Variants in HCN4 observed in about 807,000 individuals in gnomAD.
The protein encoded by HCN4 is potassium/sodium hyperpolarization-activated cyclic nucleotide-gated channel 4.
In HCN4, 29 loss-of-function variants were observed where a neutral mutation model predicts 76.9. The ratio of observed to expected loss-of-function variants is 0.38; its 90% CI spans 0.28 to 0.51. The LOEUF (loss-of-function observed/expected upper bound fraction) is 0.51. HCN4 is among the 20% of genes least tolerant of loss of function. The pLI is 0.90. For synonymous variants in HCN4, 772 were observed against 762.5 expected, an observed-to-expected ratio of 1.01 and a Z score of -0.21; for missense variants, 1,416 against 1,715.2, an observed-to-expected ratio of 0.83 and a Z score of 3.08.
In HCN4 at chr15:73,323,337, G is replaced by C. The variant is rs752426600; in HGVS notation, c.2756C>G (p.Ser919Cys). The part of the protein sequence containing the change: ...HFHKALGGSL[S>C]SSDSPLLTPL... ...GGTGAGCAGGGGAGAGTCGGAGGAG[G>C]ACAGGGAGCCACCCAGCGCCTTGTG... The change falls in exon 8 of 8, where the codon TCC becomes TGC. Residue 919 changes from serine to cysteine, a missense_variant. Physicochemically the swap from Ser to Cys is moderately radical, Grantham distance 112. Coordinates refer to ENST00000261917, the MANE Select transcript of HCN4 (RefSeq NM_005477.3). The C allele has an allele frequency of 5.1e-6, 8 of 1,566,036 alleles. No homozygotes were observed. The highest frequency in any genetic ancestry group is 6.9e-6 in the Non-Finnish European group (8 of 1,155,266).
Position 73,367,826 on chromosome 15 carries a change from C to T in HCN4, c.445G>A (p.Ala149Thr), listed in dbSNP as rs531489450. 1 of 1,233,852 alleles carries T rather than the reference C, an allele frequency of 8.1e-7. No individual in the cohort carries two copies. The highest frequency in any genetic ancestry group is 1.6e-5 in the African/African-American group (1 of 63,362). The allele number at this position is 1,233,852 out of a possible 1,614,324, so 76.4% of individuals were successfully genotyped here. Residue 149 changes from alanine (A) to threonine (T), a missense_variant, in exon 1 of 8, where the codon GCG becomes ACG. Physicochemically the swap from Ala to Thr is moderately conservative, Grantham distance 58. Transcript: ENST00000261917. This position sits in a 1 kb window ranked among gnomAD's most constrained non-coding sequence, Gnocchi z 7.5. Reference sequence around the variant, plus strand: ...GCGCCGGGGCGCTCGGGCTCGGCCGCCAGGCCTGGGGGCGTCCTGTCCTCG... The same window carrying T: ...GCGCCGGGGCGCTCGGGCTCGGCCGTCAGGCCTGGGGGCGTCCTGTCCTCG... ...PGEDRTPPGL[A>T]AEPERPGASA...
Position 73,332,395 on chromosome 15 carries a change from G to C in HCN4, c.1210-103C>G, listed in dbSNP as rs73442004. The C allele has an allele frequency of 2.1e-3, 2,421 of 1,165,836 alleles. 25 individuals carry two copies. In the African/African-American group the frequency reaches 0.029, roughly 14 times the overall value. The allele number at this position is 1,165,836 out of a possible 1,614,324, so 72.2% of individuals were successfully genotyped here. Reference sequence around the variant, plus strand: ...GCTGCTGGTGGGCACTGCTCTGCCTGGACTCTGCAGGGCGCCCACTCAGTG... The same window carrying C: ...GCTGCTGGTGGGCACTGCTCTGCCTCGACTCTGCAGGGCGCCCACTCAGTG... On this transcript the variant is annotated intron_variant, in intron 2 of 7. Coordinates refer to ENST00000261917, the MANE Select transcript of HCN4 (RefSeq NM_005477.3).
intron 1 of HCN4, among the ~76,000 whole-genome samples, chr15:73,363,761 T>C (rs1386070853): frequency 6.6e-6 from 1 of 152,178 alleles, no homozygotes; most frequent in Non-Finnish European, 1.5e-5. Context: ...CACAACAGCA[T>C]CACGGCTCCT....
At chr15:73,353,760 G>A (rs1261768519) in intron 1 of HCN4, among the ~76,000 whole-genome samples, 2 of 152,036 alleles carry the variant, frequency 1.3e-5, no homozygotes, top group African/African-American at 4.8e-5. Context: ...TCCTGGGGCT[G>A]GCATCTTAGC....
In HCN4 at chr15:73,343,550, G is replaced by C. The variant is rs2151221193; in HGVS notation, c.1044C>G (p.Ser348=). 1 of 1,614,202 alleles carries C rather than the reference G, an allele frequency of 6.2e-7. No individual in the cohort carries two copies. ...GGAAGATGTAGTCCACGGGGATGGAGGAAATGAAATCTACCATGAACCAGC... is the reference window on the plus strand; with the variant it reads ...GGAAGATGTAGTCCACGGGGATGGACGAAATGAAATCTACCATGAACCAGC... ...LKSWFMVDFI[S]SIPVDYIFLI... is the part of the protein sequence containing the mutation. The change falls in exon 2 of 8, where the codon TCC becomes TCG. Residue 348 remains serine (S), a synonymous_variant. Coordinates refer to ENST00000261917, the MANE Select transcript of HCN4 (RefSeq NM_005477.3). This position sits in a 1 kb window ranked among gnomAD's most constrained non-coding sequence, Gnocchi z 5.7.
intron 1 of HCN4, among the ~76,000 whole-genome samples, chr15:73,353,496 A>T (rs1472592527): frequency 6.6e-6 from 1 of 152,160 alleles, no homozygotes; most frequent in Non-Finnish European, 1.5e-5. Context: ...CATCACACGC[A>T]TGTCAGTCCA....
chr15:73,357,807 C>T (rs1475999078), intron 1 of HCN4, among the ~76,000 whole-genome samples: 1 of 152,044 alleles, frequency 6.6e-6, no homozygotes, highest in Non-Finnish European at 1.5e-5. Flanking sequence ...AAACAAGGCC[C>T]CTAGGTAAGA....
chr15:73,360,964 G>A lies in HCN4; in HGVS notation c.785+6522C>T, dbSNP rs568233013. Among the ~76,000 whole-genome samples the A allele has an allele frequency of 3.9e-5, 6 of 152,362 alleles. No individual in the cohort carries two copies. The South Asian group carries it at 1.0e-3, about 26-fold the overall frequency. On this transcript the variant is annotated intron_variant, in intron 1 of 7. Transcript: ENST00000261917. ...AGCAAAAGCCAATGTAAAGGAGGCA[G>A]CCTCTAGTGTCTCCTTCAGCTCCCC...
intron 1 of HCN4, among the ~76,000 whole-genome samples, chr15:73,356,014 G>A (rs1489585180): frequency 6.6e-6 from 1 of 152,124 alleles, no homozygotes; most frequent in Non-Finnish European, 1.5e-5. Flanking sequence ...CAGGAGATTG[G>A]AGCAAAAATA....
At chr15:73,330,414 G>C (rs2042926041) in intron 3 of HCN4, among the ~76,000 whole-genome samples, 1 of 152,234 alleles carries the variant, frequency 6.6e-6, no homozygotes, top group Non-Finnish European at 1.5e-5. Context: ...GTGGGGACAG[G>C]AGGAGGGAAG....
At chr15:73,350,583 G>C (rs2043051471) in intron 1 of HCN4, among the ~76,000 whole-genome samples, 1 of 152,148 alleles carries the variant, frequency 6.6e-6, no homozygotes, top group Non-Finnish European at 1.5e-5. Context: ...AGAGTCAGCA[G>C]ATAACACCAC....
intron 1 of HCN4, among the ~76,000 whole-genome samples, chr15:73,349,803 A>G (rs2043045653): frequency 6.6e-6 from 1 of 152,130 alleles, no homozygotes; most frequent in South Asian, 2.1e-4. Flanking sequence ...TCTTTTGGGT[A>G]TCCTTGTCAT....
chr15:73,353,411 G>C (rs895894433), intron 1 of HCN4, among the ~76,000 whole-genome samples: 2 of 152,176 alleles, frequency 1.3e-5, no homozygotes, highest in Non-Finnish European at 1.5e-5. Context: ...AAGATGTTTT[G>C]GAGATCAATG....
At chr15:73,357,668 T>C (rs1172452811) in intron 1 of HCN4, among the ~76,000 whole-genome samples, 1 of 152,074 alleles carries the variant, frequency 6.6e-6, no homozygotes, top group Non-Finnish European at 1.5e-5. Context: ...AAAGAAAGCC[T>C]GGCCTCCATC....
chr15:73,348,014 T>C (rs1015016034), intron 1 of HCN4, among the ~76,000 whole-genome samples: 4 of 152,194 alleles, frequency 2.6e-5, no homozygotes, highest in Admixed American at 2.6e-4. Flanking sequence ...AGGCAACTTA[T>C]AGGCTGACAC....
intron 1 of HCN4, among the ~76,000 whole-genome samples, chr15:73,348,549 G>C (rs933831799): frequency 6.6e-6 from 1 of 152,130 alleles, no homozygotes; most frequent in Non-Finnish European, 1.5e-5. Context: ...ATATCCACTG[G>C]GAATCCTGTC....
At chr15:73,356,374 C>CTTTTTTTTTTTTTTTT (rs71137342) in intron 1 of HCN4, among the ~76,000 whole-genome samples, 3 of 118,180 alleles carry the variant, frequency 2.5e-5, no homozygotes, top group African/African-American at 6.5e-5. Flanking sequence ...CTTTTCTTTT[C>CTTTTTTTTTTTTTTTT]TTTTTTTTTT....
chr15:73,359,689 C>A (rs2043096619), intron 1 of HCN4, among the ~76,000 whole-genome samples: 1 of 152,184 alleles, frequency 6.6e-6, no homozygotes, highest in African/African-American at 2.4e-5. Context: ...TGGTTACACA[C>A]TGAGCCCCGA....
At chr15:73,338,394 C>T (rs532981079) in intron 2 of HCN4, among the ~76,000 whole-genome samples, 32 of 152,358 alleles carry the variant, frequency 2.1e-4, no homozygotes, top group Admixed American at 3.9e-4. Context: ...CTTGGGGAAG[C>T]CCTGCTCTCA....
Sources: allele counts gnomAD v4.1 joint callset (sites outside exome capture counted in the v4.1 genomes callset), GRCh38; gene constraint gnomAD v4.1.1; non-coding constraint Gnocchi (gnomAD v3.1); transcripts MANE v1.5; gene names NCBI Gene and HGNC (gene_info 2026-07-23, HGNC 2026-07-21).